Variants in GFM2 observed in about 807,000 individuals in gnomAD.
The protein encoded by GFM2 is GTP dependent ribosome recycling factor mitochondrial 2.
A neutral mutation model predicts 95.4 loss-of-function variants in GFM2; 72 were observed. That is an observed-to-expected ratio of 0.76 (90% CI 0.62 to 0.92). The LOEUF (loss-of-function observed/expected upper bound fraction) is 0.92, where lower values mean the gene tolerates loss of function less well. GFM2 is among the 40% of genes least tolerant of loss of function. GFM2 has a pLI of 0.00. For synonymous variants in GFM2, 276 were observed against 317.5 expected, an observed-to-expected ratio of 0.87 and a Z score of 1.39; for missense variants, 825 against 924.1, an observed-to-expected ratio of 0.89 and a Z score of 1.39.
intron 5 of GFM2, among the ~76,000 whole-genome samples, chr5:74,753,377 C>T (rs1310059197): frequency 6.6e-6 from 1 of 152,158 alleles, no homozygotes; most frequent in African/African-American, 2.4e-5. Context: ...GCAGGCAGAT[C>T]ACTTGCGGTC....
intron 16 of GFM2, among the ~76,000 whole-genome samples, chr5:74,731,777 C>A (rs1342693464): frequency 6.6e-6 from 1 of 152,038 alleles, no homozygotes; most frequent in African/African-American, 2.4e-5. Flanking sequence ...CATAACAGCA[C>A]AGCAGAAGAA....
chr5:74,721,655 T>C lies in GFM2; in HGVS notation c.2340A>G (p.Ter780=), dbSNP rs571851391. 2.0e-5 allele frequency: 32 copies of C among 1,609,450 alleles called. No individual in the cohort carries two copies. The highest frequency in any genetic ancestry group is 3.4e-5 in the Admixed American group (2 of 58,838). The change falls in exon 21 of 21, where the codon TAA becomes TAG. Residue 780 remains the stop codon, a stop_retained_variant. Transcript: ENST00000296805. ...TLLNRRSGLT[*] ...AATTTCTCTCCAAAAACTAAAACAT[T>C]TAGGTCAAACCACTTCTCCGGTTGA...
intron 16 of GFM2, 44 bp downstream of exon 16, chr5:74,732,978 A>ACACACACTCT (rs757708241): frequency 1.1e-6 from 1 of 946,044 alleles, no homozygotes; most frequent in African/African-American, 1.8e-5. Context: ...ACACACACAC[A>ACACACACTCT]CTCTTATAGA....
chr5:74,742,949 G>A (rs1743186356), intron 10 of GFM2, among the ~76,000 whole-genome samples: 1 of 152,216 alleles, frequency 6.6e-6, no homozygotes, highest in Non-Finnish European at 1.5e-5. Flanking sequence ...TTACAGGCAT[G>A]AGCCACCACA....
Position 74,756,836 on chromosome 5 carries a change from A to G in GFM2, c.304+2013T>C, listed in dbSNP as rs539749937. Reference sequence around the variant, plus strand: ...AACTCAGGAATGGAAAACTGACATCATTTGTTCTCACTCATAAGTGGGATC... The same window carrying G: ...AACTCAGGAATGGAAAACTGACATCGTTTGTTCTCACTCATAAGTGGGATC... On this transcript the variant is annotated intron_variant, in intron 5 of 20. Coordinates refer to ENST00000296805, the MANE Select transcript of GFM2 (RefSeq NM_032380.5). Among the ~76,000 whole-genome samples, 14 of 152,314 alleles carry G rather than the reference A, an allele frequency of 9.2e-5. No homozygotes were observed. In the South Asian group the frequency reaches 2.7e-3, roughly 29 times the overall value.
In GFM2 at chr5:74,758,871, G is replaced by A. The variant is rs745682210; in HGVS notation, c.282C>T (p.Ser94=). The A allele has an allele frequency of 4.1e-5, 65 of 1,602,102 alleles. No homozygotes were observed. The South Asian group carries it at 4.5e-4, about 11-fold the overall frequency. ...AACCTCCCAGTGATCTTGTATATCC[G>A]GAATAGTACAATATTCTTTCTGTGG... ...TTTTERILYY[S]GYTRSLGDVD... The change falls in exon 5 of 21, where the codon TCC becomes TCT. Residue 94 remains serine, a synonymous_variant. Coordinates refer to ENST00000296805, the MANE Select transcript of GFM2 (RefSeq NM_032380.5).
intron 15 of GFM2, 175 bp downstream of exon 15, chr5:74,736,621 G>A (rs1427077829): frequency 4.2e-6 from 6 of 1,425,910 alleles, no homozygotes; most frequent in Non-Finnish European, 5.5e-6. Context: ...AAAAATGAAG[G>A]CATTTGTAAA....
intron 1 of GFM2, chr5:74,764,985 C>T (rs1032405942): frequency 1.1e-5 from 3 of 263,518 alleles, no homozygotes; most frequent in Non-Finnish European, 2.1e-5. Context: ...GGGGTTTCGC[C>T]ATGTTAGCCA....
At chr5:74,749,525 CCATT>C in intron 7 of GFM2, among the ~76,000 whole-genome samples, 1 of 152,118 alleles carries the variant, frequency 6.6e-6, no homozygotes, top group East Asian at 1.9e-4. Flanking sequence ...TGTGAAGTGT[CCATT>C]CAAGTTTTTT....
chr5:74,735,523 G>A (rs1437502234), intron 15 of GFM2, among the ~76,000 whole-genome samples: 1 of 152,134 alleles, frequency 6.6e-6, no homozygotes, highest in Non-Finnish European at 1.5e-5. Flanking sequence ...GAACTAGAAG[G>A]TCTGTCCTTA....
intron 19 of GFM2, among the ~76,000 whole-genome samples, chr5:74,724,404 G>A (rs762328927): frequency 2.6e-5 from 4 of 151,324 alleles, no homozygotes; most frequent in Non-Finnish European, 4.4e-5. Flanking sequence ...TTGGGAGGCC[G>A]AGGTTGGCAG....
chr5:74,762,188 C>T (rs572924457), intron 2 of GFM2, among the ~76,000 whole-genome samples: 4 of 152,192 alleles, frequency 2.6e-5, no homozygotes, highest in Non-Finnish European at 5.9e-5. Flanking sequence ...TTCTTAGCAA[C>T]AACAACAAAA....
Position 74,748,918 on chromosome 5 carries a change from A to T in GFM2, c.520-1138T>A, listed in dbSNP as rs1186202741. On this transcript the variant is annotated intron_variant, in intron 7 of 20. Transcript: ENST00000296805. ...ATAAAATAAAATAAAATAAAAAAATAAAAAAAAATAAAAAAAATAAAAAAT... is the reference window on the plus strand; with the variant it reads ...ATAAAATAAAATAAAATAAAAAAATTAAAAAAAATAAAAAAAATAAAAAAT... 5.0e-5 allele frequency among the ~76,000 whole-genome samples: 7 copies of T among 139,036 alleles called. No individual in the cohort carries two copies. The East Asian group carries it at 8.1e-4, about 16-fold the overall frequency. 91.2% of individuals were successfully genotyped at this position (139,036 alleles called of 152,430 possible).
Position 74,721,786 on chromosome 5 carries a change from A to C in GFM2, c.2212-3T>G. The C allele has an allele frequency of 1.2e-6, 2 of 1,600,432 alleles. No homozygotes were observed. Among genetic ancestry groups the C allele is most frequent in the Non-Finnish European group, 1.7e-6 (2 of 1,176,458 alleles). ...GTTCGAAGCACAGTTGAATAACCCT[A>C]ATCAAAATAATTTAAGTCATTTATA... is the stretch of plus-strand genomic sequence containing the variant. On this transcript the variant is annotated splice_region_variant and splice_polypyrimidine_tract_variant and intron_variant, in intron 20 of 20. Transcript: ENST00000296805.
In GFM2 at chr5:74,747,713, T is replaced by C. The variant is rs148508423; in HGVS notation, c.587A>G (p.Lys196Arg). 1.9e-6 allele frequency: 3 copies of C among 1,610,538 alleles called. No individual in the cohort carries two copies. The African/African-American group carries it at 4.0e-5, about 22-fold the overall frequency. Reference sequence around the variant, plus strand: ...ATACCTTGCTCCAGTTTTGTCCATCTTGTTTAAAAAACAGATTCGAGGTAT... The same window carrying C: ...ATACCTTGCTCCAGTTTTGTCCATCCTGTTTAAAAAACAGATTCGAGGTAT... ...HNIPRICFLN[K>R]MDKTGASFKY... Residue 196 changes from lysine to arginine, a missense_variant, in exon 8 of 21, where the codon AAG (lysine) becomes AGG (arginine). Lys to Arg is a conservative substitution (Grantham distance 26). Transcript: ENST00000296805.
At chr5:74,735,720 A>G (rs1219287294) in intron 15 of GFM2, among the ~76,000 whole-genome samples, 1 of 152,190 alleles carries the variant, frequency 6.6e-6, no homozygotes, top group Non-Finnish European at 1.5e-5. Flanking sequence ...GGAAATCACA[A>G]TTATTTTACT....
chr5:74,758,784 C>T, intron 5 of GFM2, 65 bp downstream of exon 5: 2 of 1,026,952 alleles, frequency 1.9e-6, no homozygotes, highest in East Asian at 2.4e-5. Context: ...GACTTGTTAA[C>T]CAAAATATTT....
At chr5:74,744,960 A>G (rs1743303192) in intron 10 of GFM2, among the ~76,000 whole-genome samples, 1 of 152,230 alleles carries the variant, frequency 6.6e-6, no homozygotes, top group Non-Finnish European at 1.5e-5. Flanking sequence ...GAGCAATGTC[A>G]TAAAATACAA....
chr5:74,755,357 A>T (rs1743926296), intron 5 of GFM2, among the ~76,000 whole-genome samples: 1 of 152,196 alleles, frequency 6.6e-6, no homozygotes, highest in African/African-American at 2.4e-5. Flanking sequence ...TCATGCAAAT[A>T]CATGGAAATT....
Sources: gnomAD v4.1 joint callset for allele counts (sites outside exome capture counted in the v4.1 genomes callset) on GRCh38, gnomAD v4.1.1 for gene constraint, MANE v1.5 for transcripts, NCBI Gene and HGNC (gene_info 2026-07-23, HGNC 2026-07-21) for gene names.